ANKS1B: variants seen among roughly 807,000 people sequenced by gnomAD.
ANKS1B encodes the protein ankyrin repeat and sterile alpha motif domain-containing protein 1B.
ANKS1B carries 36 observed loss-of-function variants against 148.3 expected under a neutral mutation model. That is an observed-to-expected ratio of 0.24 (90% CI 0.19 to 0.32). The LOEUF (loss-of-function observed/expected upper bound fraction) is 0.32, where lower values mean the gene tolerates loss of function less well. Among genes scored for constraint, ANKS1B ranks in the 10% least tolerant of loss-of-function variants. The pLI is 1.00. For synonymous variants in ANKS1B, 542 were observed against 560.8 expected (o/e 0.97, Z 0.47); for missense variants, 1,157 against 1,542.6 (o/e 0.75, Z 4.19).
At chr12:99,542,175 G>A (rs913984379) in intron 9 of ANKS1B, among the ~76,000 whole-genome samples, 1 of 152,032 alleles carries the variant, frequency 6.6e-6, no homozygotes, top group Non-Finnish European at 1.5e-5. Flanking sequence ...TCCTAAAGAA[G>A]CCACAAACTT....
intron 9 of ANKS1B, among the ~76,000 whole-genome samples, chr12:99,544,069 A>G (rs1339490153): frequency 6.6e-6 from 1 of 152,180 alleles, no homozygotes; most frequent in Non-Finnish European, 1.5e-5. Flanking sequence ...AAATACATAG[A>G]CATATGAACC....
chr12:99,900,007 T>C (rs535655213), intron 1 of ANKS1B, among the ~76,000 whole-genome samples: 16 of 151,998 alleles, frequency 1.1e-4, no homozygotes, highest in Admixed American at 3.3e-4. Flanking sequence ...CAAGCGATTC[T>C]CCTGCCTCAG....
intron 16 of ANKS1B, among the ~76,000 whole-genome samples, chr12:99,074,278 T>C (rs912362068): frequency 2.6e-5 from 4 of 151,814 alleles, no homozygotes; most frequent in African/African-American, 9.7e-5. Flanking sequence ...GGAGTAAAAG[T>C]GATATTTCAG....
Position 98,745,540 on chromosome 12 carries a change from G to A in ANKS1B, c.*199C>T. 1 of 1,348,906 alleles carries A rather than the reference G, an allele frequency of 7.4e-7. No homozygotes were observed. Among genetic ancestry groups the A allele is most frequent in the Non-Finnish European group, 9.5e-7 (1 of 1,049,112 alleles). 83.6% of individuals were successfully genotyped at this position (1,348,906 alleles called of 1,614,324 possible). On this transcript the variant is annotated 3_prime_UTR_variant, in exon 27 of 27. Transcript: ENST00000683438. The stretch of plus-strand genomic sequence containing the variant: ...TCAACTCACGCCTCTCAGGGGTTGC[G>A]ACTGGAAAGTCTTGCGTTTTCCATC...
At chr12:99,257,518 TACTA>T (rs930145035) in intron 12 of ANKS1B, among the ~76,000 whole-genome samples, 2 of 152,202 alleles carry the variant, frequency 1.3e-5, no homozygotes, top group Admixed American at 6.5e-5. Flanking sequence ...CAAATTTTCC[TACTA>T]TTATAGTCAC....
chr12:98,762,102 T>C (rs2098415754), intron 25 of ANKS1B, among the ~76,000 whole-genome samples: 1 of 151,998 alleles, frequency 6.6e-6, no homozygotes, highest in African/African-American at 2.4e-5. Context: ...TATGTGGGAG[T>C]CCAGGGCAGA....
chr12:99,287,101 CA>C (rs146350166), intron 12 of ANKS1B, among the ~76,000 whole-genome samples: 10,733 of 152,158 alleles, frequency 0.071, 843 homozygotes, highest in African/African-American at 0.2. Context: ...TGACAAGACC[CA>C]GTGTTATGCT....
At chr12:99,846,890 G>T (rs2086752392) in intron 1 of ANKS1B, among the ~76,000 whole-genome samples, 1 of 152,036 alleles carries the variant, frequency 6.6e-6, no homozygotes, top group African/African-American at 2.4e-5. Context: ...GTGTAGACAG[G>T]TTATCTGTTC....
intron 12 of ANKS1B, among the ~76,000 whole-genome samples, chr12:99,328,177 A>T (rs2086841622): frequency 6.6e-6 from 1 of 152,026 alleles, no homozygotes; most frequent in South Asian, 2.1e-4. Flanking sequence ...GAGAAACAGC[A>T]AACAAGTTGA....
At chr12:99,675,245 TTATATG>T (rs1246940884) in intron 8 of ANKS1B, among the ~76,000 whole-genome samples, 2 of 152,036 alleles carry the variant, frequency 1.3e-5, no homozygotes, top group African/African-American at 4.8e-5. Flanking sequence ...AGAATAAATG[TTATATG>T]TATGTGTAAT....
At chr12:99,621,396 C>A (rs555976232) in intron 9 of ANKS1B, among the ~76,000 whole-genome samples, 77 of 149,924 alleles carry the variant, frequency 5.1e-4, no homozygotes, top group African/African-American at 1.7e-3. Flanking sequence ...CCTCACATAC[C>A]AATATTAGTA....
At chr12:99,015,369 G>C (rs1318062182) in intron 17 of ANKS1B, among the ~76,000 whole-genome samples, 4 of 152,314 alleles carry the variant, frequency 2.6e-5, no homozygotes, top group Non-Finnish European at 5.9e-5. Context: ...TCGGAGGGCA[G>C]AGGATGGGAG....
intron 9 of ANKS1B, among the ~76,000 whole-genome samples, chr12:99,637,389 A>G (rs1376594934): frequency 6.6e-6 from 1 of 152,208 alleles, no homozygotes; most frequent in Admixed American, 6.5e-5. Context: ...TATAGTTCCC[A>G]TAATCCCCAT....
chr12:99,195,416 G>A (rs1441840070), intron 14 of ANKS1B, among the ~76,000 whole-genome samples: 1 of 152,012 alleles, frequency 6.6e-6, no homozygotes, highest in African/African-American at 2.4e-5. Flanking sequence ...TACTGTTTTT[G>A]ACTGGATCAA....
intron 9 of ANKS1B, among the ~76,000 whole-genome samples, chr12:99,523,799 G>A (rs2153068468): frequency 6.6e-6 from 1 of 152,170 alleles, no homozygotes; most frequent in East Asian, 1.9e-4. Context: ...TGATCCACCT[G>A]CCTCAGCCTC....
At chr12:99,179,012 A>G (rs1204791945) in intron 14 of ANKS1B, among the ~76,000 whole-genome samples, 1 of 152,258 alleles carries the variant, frequency 6.6e-6, no homozygotes, top group Non-Finnish European at 1.5e-5. Flanking sequence ...AAAAAAGGTT[A>G]GCAGTAATAA....
intron 15 of ANKS1B, among the ~76,000 whole-genome samples, chr12:99,137,205 C>T (rs2068407096): frequency 6.6e-6 from 1 of 152,172 alleles, no homozygotes; most frequent in South Asian, 2.1e-4. Context: ...TTTCTCTGTG[C>T]TACAGAACTG....
intron 9 of ANKS1B, among the ~76,000 whole-genome samples, chr12:99,586,694 G>A (rs528301558): frequency 6.6e-6 from 1 of 152,272 alleles, no homozygotes; most frequent in East Asian, 1.9e-4. Flanking sequence ...AAGGAAAGAG[G>A]TTTAACTGAC....
At chr12:99,761,124 T>C (rs890531708) in intron 8 of ANKS1B, among the ~76,000 whole-genome samples, 1 of 125,960 alleles carries the variant, frequency 7.9e-6, no homozygotes, top group African/African-American at 3.0e-5. Flanking sequence ...CTACCAGACA[T>C]ACAAAGAAGA....
Sources: gnomAD v4.1 joint callset for allele counts (sites outside exome capture counted in the v4.1 genomes callset) on GRCh38, gnomAD v4.1.1 for gene constraint, MANE v1.5 for transcripts, NCBI Gene and HGNC (gene_info 2026-07-23, HGNC 2026-07-21) for gene names.